RUNDC3B: variants seen among roughly 807,000 people sequenced by gnomAD.
RUNDC3B encodes the protein RUN domain containing 3B.
A neutral mutation model predicts 58.4 loss-of-function variants in RUNDC3B; 33 were observed. The ratio of observed to expected loss-of-function variants is 0.56; its 90% CI spans 0.43 to 0.75. The LOEUF (loss-of-function observed/expected upper bound fraction) is 0.75. Ranked by LOEUF, RUNDC3B falls within the 30% of genes least tolerant of loss-of-function variation. RUNDC3B has a pLI of 0.00. For synonymous variants in RUNDC3B, 193 were observed against 195.2 expected (o/e 0.99, Z 0.10); for missense variants, 501 against 535.7 (o/e 0.94, Z 0.64).
intron 8 of RUNDC3B, among the ~76,000 whole-genome samples, chr7:87,804,838 C>G (rs938636463): frequency 6.6e-6 from 1 of 152,066 alleles, no homozygotes; most frequent in Non-Finnish European, 1.5e-5. Context: ...TATTGAGTAA[C>G]TTAAGTTGAA....
chr7:87,743,824 C>A (rs897587048), intron 6 of RUNDC3B, among the ~76,000 whole-genome samples: 10 of 152,068 alleles, frequency 6.6e-5, no homozygotes, highest in Non-Finnish European at 1.3e-4. Flanking sequence ...TAATTAGGTC[C>A]CAGCTATTTA....
At chr7:87,738,471 C>T (rs987699835) in intron 4 of RUNDC3B, among the ~76,000 whole-genome samples, 1 of 151,958 alleles carries the variant, frequency 6.6e-6, no homozygotes, top group African/African-American at 2.4e-5. Context: ...CCAGTCTCCC[C>T]ACTGTATTTG....
chr7:87,644,878 A>G (rs183417352), intron 1 of RUNDC3B, among the ~76,000 whole-genome samples: 1 of 152,096 alleles, frequency 6.6e-6, no homozygotes, highest in East Asian at 1.9e-4. Context: ...TTGTCCTCAC[A>G]TTTAAAATTT....
intron 1 of RUNDC3B, among the ~76,000 whole-genome samples, chr7:87,636,970 G>A (rs1239121163): frequency 6.6e-6 from 1 of 152,170 alleles, no homozygotes; most frequent in Non-Finnish European, 1.5e-5. Flanking sequence ...AGTAGCAGGA[G>A]AGAGAAAAAT....
intron 8 of RUNDC3B, among the ~76,000 whole-genome samples, chr7:87,801,466 T>A (rs1372251601): frequency 6.6e-6 from 1 of 152,124 alleles, no homozygotes; most frequent in Non-Finnish European, 1.5e-5. Context: ...TATTTAAAAA[T>A]TAATATTCCG....
intron 2 of RUNDC3B, among the ~76,000 whole-genome samples, chr7:87,674,746 G>A (rs1373667241): frequency 6.6e-6 from 1 of 152,142 alleles, no homozygotes; most frequent in Non-Finnish European, 1.5e-5. Flanking sequence ...GGCATCTGAG[G>A]CCGCATTGCA....
intron 1 of RUNDC3B, among the ~76,000 whole-genome samples, chr7:87,634,059 A>G (rs1426999964): frequency 3.3e-5 from 5 of 152,196 alleles, no homozygotes; most frequent in Admixed American, 2.6e-4. Flanking sequence ...ACCAAACCCA[A>G]AGGGCATTCT....
chr7:87,747,564 G>C (rs563901929), intron 6 of RUNDC3B, among the ~76,000 whole-genome samples: 6 of 152,206 alleles, frequency 3.9e-5, no homozygotes, highest in African/African-American at 1.4e-4. Context: ...TATGCCCTTT[G>C]TCTTCCGCTG....
At chr7:87,751,730 A>G (rs1833003839) in intron 6 of RUNDC3B, among the ~76,000 whole-genome samples, 1 of 152,114 alleles carries the variant, frequency 6.6e-6, no homozygotes, top group Non-Finnish European at 1.5e-5. Flanking sequence ...TTGATTTTGT[A>G]TCCTGAGACT....
intron 10 of RUNDC3B, among the ~76,000 whole-genome samples, chr7:87,816,505 C>T (rs527483715): frequency 6.6e-6 from 1 of 152,060 alleles, no homozygotes; most frequent in African/African-American, 2.4e-5. Context: ...TTTTTTTACC[C>T]CTGCCAATCT....
intron 2 of RUNDC3B, among the ~76,000 whole-genome samples, chr7:87,698,097 T>C (rs1828656144): frequency 6.6e-6 from 1 of 152,216 alleles, no homozygotes; most frequent in Non-Finnish European, 1.5e-5. Flanking sequence ...ATTTTATTTT[T>C]AATTTTTTAT....
intron 2 of RUNDC3B, among the ~76,000 whole-genome samples, chr7:87,658,658 T>C (rs909364475): frequency 6.6e-6 from 1 of 152,114 alleles, no homozygotes; most frequent in Non-Finnish European, 1.5e-5. Context: ...TGCCTACAAG[T>C]AAGCAATTGA....
intron 6 of RUNDC3B, among the ~76,000 whole-genome samples, chr7:87,766,335 C>T (rs141821270): frequency 1.3e-3 from 198 of 152,122 alleles, no homozygotes; most frequent in South Asian, 8.3e-3. Context: ...ATTGCTTTAT[C>T]GGCTGTCTGA....
At chr7:87,708,051 A>T (rs1829764504) in intron 3 of RUNDC3B, among the ~76,000 whole-genome samples, 1 of 152,142 alleles carries the variant, frequency 6.6e-6, no homozygotes. Context: ...TGTGTATTTT[A>T]AAAAAGAATA....
At chr7:87,700,276 G>A (rs1828907487) in intron 2 of RUNDC3B, 145 bp from the exon 3 acceptor site, 1 of 615,452 alleles carries the variant, frequency 1.6e-6, no homozygotes, top group Non-Finnish European at 2.7e-6. Context: ...TAGATTTGAG[G>A]CTTTTTGACA....
At chr7:87,758,594 A>G (rs1441226281) in intron 6 of RUNDC3B, among the ~76,000 whole-genome samples, 2 of 152,214 alleles carry the variant, frequency 1.3e-5, no homozygotes, top group African/African-American at 2.4e-5. Flanking sequence ...GGGATTAATA[A>G]CCAGAATATG....
chr7:87,722,002 A>G (rs1830929620), intron 4 of RUNDC3B, among the ~76,000 whole-genome samples: 2 of 151,944 alleles, frequency 1.3e-5, no homozygotes, highest in Admixed American at 1.3e-4. Flanking sequence ...TCATTTTTAA[A>G]TTCCGGAAAC....
chr7:87,645,027 G>A (rs558486397), intron 1 of RUNDC3B, among the ~76,000 whole-genome samples: 1 of 151,400 alleles, frequency 6.6e-6, no homozygotes, highest in Non-Finnish European at 1.5e-5. Context: ...AAGGGAAAAA[G>A]GTAGTCCATG....
At position 87,628,725 on chromosome 7, in the gene RUNDC3B, G is replaced by C; in HGVS notation, c.-99G>C. The C allele has an allele frequency of 1.4e-6, 1 of 708,664 alleles. No homozygotes were observed. Among genetic ancestry groups the C allele is most frequent in the Non-Finnish European group, 2.0e-6 (1 of 503,646 alleles). The allele number at this position is 708,664 out of a possible 1,614,324, so 43.9% of individuals were successfully genotyped here. A position where few individuals can be genotyped will look rare whatever the true frequency, so the allele number is the denominator to read the frequency against. ...CAGGCTCCTTTCCTACATCCTTCCC[G>C]CGCCCCCACGGTTGCGGACCGAGCG... On this transcript the variant is annotated 5_prime_UTR_variant, in exon 1 of 11. Transcript: ENST00000394654.
Sources: gnomAD v4.1 joint callset for allele counts (sites outside exome capture counted in the v4.1 genomes callset) on GRCh38, gnomAD v4.1.1 for gene constraint, MANE v1.5 for transcripts, NCBI Gene and HGNC (gene_info 2026-07-23, HGNC 2026-07-21) for gene names.